The following FCAR variants were observed in gnomAD, a reference collection of about 807,000 sequenced individuals.
FCAR encodes immunoglobulin alpha Fc receptor.
Under a neutral mutation model 27.1 loss-of-function variants are expected in FCAR, and 21 were observed. That is an observed-to-expected ratio of 0.77 (90% CI 0.55 to 1.11). FCAR has a LOEUF of 1.11. Among genes scored for constraint, FCAR ranks in the 50% most tolerant of loss-of-function variants. The pLI is 0.00. For missense variants in FCAR, 404 were observed against 358.4 expected, an observed-to-expected ratio of 1.13 and a Z score of -1.03; for synonymous variants, 134 against 135.8, an observed-to-expected ratio of 0.99 and a Z score of 0.09.
chr19:54,880,363 G>C (rs587771861), intron 2 of FCAR, among the ~76,000 whole-genome samples: 31 of 151,990 alleles, frequency 2.0e-4, no homozygotes, highest in African/African-American at 7.0e-4. Flanking sequence ...ACTTGTGATC[G>C]CATTATGAAA....
At chr19:54,888,415 G>A (rs779062809) in intron 4 of FCAR, 121 bp downstream of exon 4, 9 of 1,470,120 alleles carry the variant, frequency 6.1e-6, no homozygotes, top group Non-Finnish European at 8.1e-6. Context: ...CTCACTCCAG[G>A]ACAGTGGAGA....
chr19:54,880,071 TTC>T (rs1421436109), intron 2 of FCAR, among the ~76,000 whole-genome samples: 1 of 134,028 alleles, frequency 7.5e-6, no homozygotes, highest in Admixed American at 7.7e-5. Flanking sequence ...TTTGCAGGGG[TTC>T]TCTGTTTCCT....
At chr19:54,881,968 T>C (rs1472761370) in intron 2 of FCAR, among the ~76,000 whole-genome samples, 1 of 152,214 alleles carries the variant, frequency 6.6e-6, no homozygotes, top group Non-Finnish European at 1.5e-5. Flanking sequence ...TCCTTGCTTC[T>C]TCCCCAGATC....
chr19:54,887,133 G>C (rs1018544356), intron 3 of FCAR, among the ~76,000 whole-genome samples: 8 of 151,906 alleles, frequency 5.3e-5, no homozygotes, highest in Non-Finnish European at 1.0e-4. Context: ...AACATAGTAA[G>C]ACCCCATCTG....
At position 54,890,523 on chromosome 19, in the gene FCAR, G is replaced by T. The variant is rs1338818231; in HGVS notation, c.*660G>T. 1 of 151,988 alleles carries T rather than the reference G, an allele frequency of 6.6e-6. No homozygotes were observed. The highest frequency in any genetic ancestry group is 6.6e-5 in the Admixed American group (1 of 15,252). The allele number at this position is 151,988 out of a possible 1,614,324, so 9.4% of individuals were successfully genotyped here. On this transcript the variant is annotated 3_prime_UTR_variant, in exon 5 of 5. Transcript: ENST00000355524. ...GCTCACTGCAACCTCTGCCTCCTGG[G>T]TTCAAGTGATTCTCCTGCCTCGGCC...
intron 3 of FCAR, among the ~76,000 whole-genome samples, chr19:54,887,745 C>T (rs758252482): frequency 3.3e-5 from 5 of 151,450 alleles, no homozygotes; most frequent in African/African-American, 7.3e-5. Context: ...GGAGAGACCC[C>T]GTCTCTACTA....
intron 4 of FCAR, chr19:54,888,925 G>A (rs62123425): frequency 0.18 from 174,790 of 983,992 alleles, 16,205 homozygotes; most frequent in African/African-American, 0.23. Flanking sequence ...CTGCCTGGCC[G>A]GGCGTGGTGG....
In FCAR at chr19:54,885,453, C is replaced by T. The variant is rs372465584; in HGVS notation, c.289C>T (p.Arg97Cys). 5.6e-5 allele frequency: 90 copies of T among 1,613,466 alleles called. No homozygotes were observed. The highest frequency in any genetic ancestry group is 7.0e-5 in the Non-Finnish European group (83 of 1,179,604). ...IDHMDANKAGRYQCQYRIGHY... is the reference protein window; with the variant it reads ...IDHMDANKAGCYQCQYRIGHY... ...CCACATGGACGCAAACAAGGCAGGG[C>T]GCTATCAGTGCCAATATAGGATAGG... The change falls in exon 3 of 5, where the codon CGC becomes TGC. Residue 97 changes from arginine to cysteine, a missense_variant. Coordinates refer to ENST00000355524, the MANE Select transcript of FCAR (RefSeq NM_002000.4).
intron 2 of FCAR, among the ~76,000 whole-genome samples, chr19:54,884,397 C>T (rs972345120): frequency 1.6e-4 from 24 of 152,018 alleles, no homozygotes; most frequent in Non-Finnish European, 3.1e-4. Flanking sequence ...TTTGGGAGGC[C>T]GAGGCAGGTG....
At chr19:54,884,919 G>GC (rs2066618035) in intron 2 of FCAR, among the ~76,000 whole-genome samples, 1 of 151,970 alleles carries the variant, frequency 6.6e-6, no homozygotes, top group Non-Finnish European at 1.5e-5. Flanking sequence ...CCATTCTCCT[G>GC]CCCCAATCTC....
intron 2 of FCAR, among the ~76,000 whole-genome samples, chr19:54,877,746 C>G (rs1334121527): frequency 6.6e-6 from 1 of 152,002 alleles, no homozygotes; most frequent in Non-Finnish European, 1.5e-5. Context: ...ATAAACTTCC[C>G]CCTTAACACT....
Position 54,877,916 on chromosome 19 carries a change from A to ATTTT in FCAR, c.70+2553_70+2554insTTTT, listed in dbSNP as rs757104692. Among the ~76,000 whole-genome samples, 211 of 143,450 alleles carry ATTTT rather than the reference A, an allele frequency of 1.5e-3. 6 individuals are homozygous for ATTTT. Among genetic ancestry groups the ATTTT allele is most frequent in the Middle Eastern group, 3.6e-3 (1 of 274 alleles). The allele number at this position is 143,450 out of a possible 152,430, so 94.1% of individuals were successfully genotyped here. A position where few individuals can be genotyped will look rare whatever the true frequency, so the allele number is the denominator to read the frequency against. On this transcript the variant is annotated intron_variant, in intron 2 of 4. Transcript: ENST00000355524. ...TTTCGCTTTTCTGGATTTGCTAAGG[A>ATTTT]TTGTTTTTTTTTTTTTTGAAATGGA...
chr19:54,886,308 T>A (rs1332856495), intron 3 of FCAR, among the ~76,000 whole-genome samples: 15 of 136,454 alleles, frequency 1.1e-4, no homozygotes, highest in Non-Finnish European at 2.1e-4. Flanking sequence ...TTTATTTTTT[T>A]TTTTTTTTTT....
intron 2 of FCAR, among the ~76,000 whole-genome samples, chr19:54,884,149 T>G (rs2066571760): frequency 6.6e-6 from 1 of 151,208 alleles, no homozygotes; most frequent in Non-Finnish European, 1.5e-5. Flanking sequence ...CCGGGCAGAG[T>G]TCAGGCAGAA....
At chr19:54,874,353 G>A (rs1395441972) in intron 1 of FCAR, 30 bp downstream of exon 1, 4 of 1,611,642 alleles carry the variant, frequency 2.5e-6, no homozygotes, top group African/African-American at 1.3e-5. Context: ...TGGGTTAGAG[G>A]GGAAGATAGA....
chr19:54,876,885 C>CA (rs1181280315), intron 2 of FCAR, among the ~76,000 whole-genome samples: 3 of 152,234 alleles, frequency 2.0e-5, no homozygotes, highest in Non-Finnish European at 4.4e-5. Context: ...CACGCCACTA[C>CA]ACTCCAGCCT....
intron 2 of FCAR, among the ~76,000 whole-genome samples, chr19:54,880,281 C>T (rs1220264320): frequency 6.6e-6 from 1 of 152,082 alleles, no homozygotes; most frequent in Non-Finnish European, 1.5e-5. Flanking sequence ...TTTTGTCTGA[C>T]TGAATTAGTT....
In FCAR at chr19:54,888,038, T is replaced by C. The variant is rs1431372328; in HGVS notation, c.393T>C (p.Asp131=). The C allele has an allele frequency of 1.2e-6, 2 of 1,613,982 alleles. No individual in the cohort carries two copies. Among genetic ancestry groups the C allele is most frequent in the Admixed American group, 3.3e-5 (2 of 60,008 alleles). The stretch of plus-strand genomic sequence containing the variant: ...ATGGCAAACCCTTCCTCTCTGCAGA[T>C]CGGGGTCTGGTGTTGATGCCAGGAG... The part of the protein sequence containing the change: ...GLYGKPFLSA[D]RGLVLMPGEN... Residue 131 remains aspartate, a synonymous_variant, in exon 4 of 5, where the codon GAT becomes GAC. Transcript: ENST00000355524.
Position 54,888,135 on chromosome 19 carries a change from C to T in FCAR, c.490C>T (p.Leu164Phe), listed in dbSNP as rs982753670. The T allele has an allele frequency of 1.2e-6, 2 of 1,614,158 alleles. No individual in the cohort carries two copies. The highest frequency in any genetic ancestry group is 4.5e-5 in the East Asian group (2 of 44,878). ...ATTTTCACTGGCCAAGGAGGGAGAA[C>T]TTTCTCTGCCACAGCACCAAAGTGG... ...DRFSLAKEGE[L>F]SLPQHQSGEH... Residue 164 changes from leucine (L) to phenylalanine (F), a missense_variant, in exon 4 of 5, where the codon CTT (leucine) becomes TTT (phenylalanine). By Grantham distance (22) the Leu-to-Phe change is conservative (BLOSUM62 0). Coordinates refer to ENST00000355524, the MANE Select transcript of FCAR (RefSeq NM_002000.4).
Sources: gnomAD v4.1 joint callset for allele counts (sites outside exome capture counted in the v4.1 genomes callset) on GRCh38, gnomAD v4.1.1 for gene constraint, MANE v1.5 for transcripts, NCBI Gene and HGNC (gene_info 2026-07-23, HGNC 2026-07-21) for gene names.